The following BICC1 variants were observed in gnomAD, a reference collection of about 807,000 sequenced individuals.
BICC1 encodes protein bicaudal C homolog 1.
A neutral mutation model predicts 111.0 loss-of-function variants in BICC1; 43 were observed. The observed-to-expected ratio is 0.39, with a 90% CI of 0.30 to 0.50. The LOEUF (loss-of-function observed/expected upper bound fraction) is 0.50. Among genes scored for constraint, BICC1 ranks in the 20% least tolerant of loss-of-function variants. The pLI, the probability that BICC1 is intolerant of heterozygous loss-of-function variation, is 0.88. For synonymous variants in BICC1, 467 were observed against 434.4 expected, an observed-to-expected ratio of 1.07 and a Z score of -0.93; for missense variants, 1,091 against 1,203.2, an observed-to-expected ratio of 0.91 and a Z score of 1.38.
chr10:58,617,228 G>A (rs1209522797), intron 1 of BICC1, among the ~76,000 whole-genome samples: 3 of 152,230 alleles, frequency 2.0e-5, no homozygotes, highest in Non-Finnish European at 4.4e-5. Context: ...GTCGTCGTGC[G>A]GATGACTTAG....
At chr10:58,760,432 C>T (rs569885081) in intron 3 of BICC1, among the ~76,000 whole-genome samples, 18 of 152,268 alleles carry the variant, frequency 1.2e-4, no homozygotes, top group African/African-American at 4.3e-4. Context: ...ATATATACAT[C>T]ACAACCAAAC....
intron 1 of BICC1, among the ~76,000 whole-genome samples, chr10:58,611,242 T>G (rs1845408317): frequency 6.6e-6 from 1 of 152,224 alleles, no homozygotes; most frequent in African/African-American, 2.4e-5. Context: ...TCAAGCTATT[T>G]AAAGGTATGC....
chr10:58,629,454 G>T (rs1028684037), intron 2 of BICC1, among the ~76,000 whole-genome samples: 3 of 152,108 alleles, frequency 2.0e-5, no homozygotes, highest in Non-Finnish European at 2.9e-5. Context: ...ACATTAATGG[G>T]CTATGCATCT....
intron 1 of BICC1, among the ~76,000 whole-genome samples, chr10:58,573,266 C>T (rs1589110191): frequency 1.3e-5 from 2 of 152,274 alleles, no homozygotes; most frequent in East Asian, 1.9e-4. Context: ...GTTTCTTCCT[C>T]TAAATACTTT....
At chr10:58,777,971 G>A (rs1842792077) in intron 3 of BICC1, among the ~76,000 whole-genome samples, 1 of 152,120 alleles carries the variant, frequency 6.6e-6, no homozygotes, top group South Asian at 2.1e-4. Flanking sequence ...TGTAATCTTA[G>A]CACTTTGGGA....
chr10:58,588,126 G>A (rs554257828), intron 1 of BICC1, among the ~76,000 whole-genome samples: 11 of 152,254 alleles, frequency 7.2e-5, no homozygotes, highest in African/African-American at 2.4e-4. Context: ...TGAAATTGAA[G>A]AATCATAAAA....
At chr10:58,549,148 T>C (rs772226469) in intron 1 of BICC1, among the ~76,000 whole-genome samples, 7 of 44,578 alleles carry the variant, frequency 1.6e-4, no homozygotes, top group Admixed American at 4.5e-4. Context: ...CCTCAGCCAG[T>C]TTTTTTTTTT....
chr10:58,707,409 T>A (rs1326534775), intron 3 of BICC1, among the ~76,000 whole-genome samples: 3 of 152,118 alleles, frequency 2.0e-5, no homozygotes, highest in Non-Finnish European at 4.4e-5. Flanking sequence ...AAAGTGTTGC[T>A]AATGGTGGGT....
In BICC1 at chr10:58,513,247, T is replaced by G; in HGVS notation, c.104T>G (p.Leu35Trp). The change falls in exon 1 of 21, where the codon TTG becomes TGG. Residue 35 changes from leucine to tryptophan, a missense_variant. Transcript: ENST00000373886. ...CCAGTGCCCGGCTCCGAGGACGACT[T>G]GGTCGCCGGGGCGACCCTGCACAGC... ...DSPVPGSEDD[L>W]VAGATLHSPE... The G allele has an allele frequency of 3.7e-6, 6 of 1,613,088 alleles. No homozygotes were observed. The highest frequency in any genetic ancestry group is 5.1e-6 in the Non-Finnish European group (6 of 1,179,692).
intron 3 of BICC1, among the ~76,000 whole-genome samples, chr10:58,744,558 A>G (rs1248433730): frequency 6.6e-6 from 1 of 152,124 alleles, no homozygotes; most frequent in Non-Finnish European, 1.5e-5. Context: ...AATTTTAAAA[A>G]GAATAATTTT....
intron 14 of BICC1, among the ~76,000 whole-genome samples, chr10:58,802,670 C>A (rs1342915657): frequency 6.6e-6 from 1 of 152,160 alleles, no homozygotes; most frequent in Admixed American, 6.5e-5. Flanking sequence ...TTGGACTTTG[C>A]ATGGATGAAT....
At chr10:58,676,166 G>T (rs1048130013) in intron 2 of BICC1, among the ~76,000 whole-genome samples, 2 of 152,172 alleles carry the variant, frequency 1.3e-5, no homozygotes, top group Non-Finnish European at 2.9e-5. Context: ...ACACCACCAG[G>T]GCCCTGGGTT....
chr10:58,512,627 G>A (rs992874317), upstream of BICC1, among the ~76,000 whole-genome samples: 1 of 152,148 alleles, frequency 6.6e-6, no homozygotes, highest in African/African-American at 2.4e-5. Flanking sequence ...GTGCGTTCAG[G>A]AGTGTGTGTG....
At chr10:58,630,907 T>C (rs1215082390) in intron 2 of BICC1, among the ~76,000 whole-genome samples, 1 of 152,162 alleles carries the variant, frequency 6.6e-6, no homozygotes, top group African/African-American at 2.4e-5. Flanking sequence ...GCAGCAATAC[T>C]ACGGTAAAAT....
intron 1 of BICC1, among the ~76,000 whole-genome samples, chr10:58,542,670 A>G (rs573950055): frequency 1.3e-5 from 2 of 152,294 alleles, no homozygotes; most frequent in Non-Finnish European, 2.9e-5. Context: ...TCAATAACAA[A>G]CATCAAAATT....
chr10:58,567,587 T>C (rs1334889254), intron 1 of BICC1, among the ~76,000 whole-genome samples: 2 of 151,804 alleles, frequency 1.3e-5, no homozygotes, highest in Admixed American at 1.3e-4. Context: ...ATATAAAATA[T>C]ATAATTTCCC....
rs1588942729 is a variant in BICC1, at chr10:58,623,865, A to G, written c.237+2964A>G. On this transcript the variant is annotated intron_variant, in intron 2 of 20. Coordinates refer to ENST00000373886, the MANE Select transcript of BICC1 (RefSeq NM_001080512.3). ...AAAACTTAGTTATGTAGTCTTACCT[A>G]ATAGCAACAATAGAGGGGAGGGAGG... is the stretch of plus-strand genomic sequence containing the variant. Among the ~76,000 whole-genome samples, 3 of 152,244 alleles carry G rather than the reference A, an allele frequency of 2.0e-5. No individual in the cohort carries two copies. The South Asian group carries it at 6.2e-4, about 32-fold the overall frequency.
intron 3 of BICC1, among the ~76,000 whole-genome samples, chr10:58,705,837 GC>G (rs1391083085): frequency 6.6e-6 from 1 of 152,128 alleles, no homozygotes; most frequent in Non-Finnish European, 1.5e-5. Context: ...ATTTTTCAAG[GC>G]CTTGCCCTAG....
intron 3 of BICC1, among the ~76,000 whole-genome samples, chr10:58,783,375 T>C (rs960798530): frequency 6.6e-6 from 1 of 152,082 alleles, no homozygotes; most frequent in Non-Finnish European, 1.5e-5. Flanking sequence ...CCTCCCTTCT[T>C]TCCTTCCTCC....
Sources: allele counts gnomAD v4.1 joint callset (sites outside exome capture counted in the v4.1 genomes callset), GRCh38; gene constraint gnomAD v4.1.1; transcripts MANE v1.5; gene names NCBI Gene and HGNC (gene_info 2026-07-23, HGNC 2026-07-21).